The following UBR1 variants were observed in gnomAD, a reference collection of about 807,000 sequenced individuals.
The protein encoded by UBR1 is ubiquitin protein ligase E3 component n-recognin 1.
In UBR1, 102 loss-of-function variants were observed where a neutral mutation model predicts 242.1. The observed-to-expected ratio is 0.42, with a 90% CI of 0.36 to 0.50. The LOEUF is 0.50. UBR1 is among the 20% of genes least tolerant of loss of function. UBR1 has a pLI of 0.01. For missense variants in UBR1, 1,772 were observed against 2,101.8 expected (o/e 0.84, Z 3.07); for synonymous variants, 675 against 684.8 (o/e 0.99, Z 0.22).
chr15:42,954,037 C>T (rs1270416802), intron 44 of UBR1, among the ~76,000 whole-genome samples: 1 of 151,934 alleles, frequency 6.6e-6, no homozygotes, highest in African/African-American at 2.4e-5. Context: ...CACATGCCAC[C>T]AAGCCTAGCT....
chr15:43,056,366 T>C lies in UBR1; in HGVS notation c.1259A>G (p.Gln420Arg). The C allele has an allele frequency of 6.2e-7, 1 of 1,612,232 alleles. No individual in the cohort carries two copies. The change falls in exon 11 of 47, where the codon CAG (glutamine) becomes CGG (arginine). Residue 420 changes from glutamine (Q) to arginine (R), a missense_variant. Gln to Arg is a conservative substitution (Grantham distance 43). This residue lies in a region of UBR1 where 734 missense variants were observed against 893.3 expected (regional missense o/e 0.82). Transcript: ENST00000290650. Reference sequence around the variant, plus strand: ...TACCAGAGTAGGAACAGTAAACATCTGAACTGAAAGTGCAGTTATAGAGAT... The same window carrying C: ...TACCAGAGTAGGAACAGTAAACATCCGAACTGAAAGTGCAGTTATAGAGAT... ...RSISITALSVQMFTVPTLARH... is the reference protein window; with the variant it reads ...RSISITALSVRMFTVPTLARH...
chr15:42,999,015 C>T (rs2032683256), intron 32 of UBR1, among the ~76,000 whole-genome samples: 1 of 148,320 alleles, frequency 6.7e-6, no homozygotes, highest in African/African-American at 2.5e-5. Context: ...TGGCTCACTG[C>T]AACCAACCTC....
intron 3 of UBR1, among the ~76,000 whole-genome samples, chr15:43,076,089 C>T (rs1178413687): frequency 6.6e-6 from 1 of 152,094 alleles, no homozygotes; most frequent in African/African-American, 2.4e-5. Context: ...ATTCTCCTGC[C>T]TCAGCCTGCA....
At chr15:43,016,206 C>T (rs77147275) in intron 28 of UBR1, among the ~76,000 whole-genome samples, 4,251 of 152,208 alleles carry the variant, frequency 0.028, 186 homozygotes, top group African/African-American at 0.096. Context: ...ACAATTTAAA[C>T]AATCTTGATT....
intron 1 of UBR1, among the ~76,000 whole-genome samples, chr15:43,092,258 T>A (rs759089982): frequency 2.6e-5 from 4 of 152,152 alleles, no homozygotes; most frequent in Non-Finnish European, 5.9e-5. Flanking sequence ...CCTTCACTGA[T>A]CAGCCCAAGA....
At chr15:43,048,336 C>CA in intron 13 of UBR1, 56 bp downstream of exon 13, 1 of 1,367,510 alleles carries the variant, frequency 7.3e-7, no homozygotes, top group Non-Finnish European at 1.0e-6. Context: ...AAAAAGACTG[C>CA]GGTTCAATTT....
intron 41 of UBR1, 113 bp downstream of exon 41, chr15:42,966,040 A>T: frequency 6.7e-7 from 1 of 1,489,486 alleles, no homozygotes; most frequent in Non-Finnish European, 9.2e-7. Context: ...ACATGAAAGA[A>T]ATGGGGAGAG....
intron 3 of UBR1, among the ~76,000 whole-genome samples, chr15:43,076,512 C>T (rs1440155361): frequency 5.3e-5 from 8 of 150,606 alleles, no homozygotes; most frequent in South Asian, 2.1e-4. Context: ...CGTCTCTGCC[C>T]GGCCGCCCAT....
rs1032341277 is a variant in UBR1, at chr15:43,048,551, T to C, written c.1440-60A>G. ...ATCTATTTTGAGATAATTTTAAGGT[T>C]CTCAGGGTTATAGACAATGTTGATT... On this transcript the variant is annotated intron_variant, in intron 12 of 46. Transcript: ENST00000290650. 3.0e-6 allele frequency: 4 copies of C among 1,342,768 alleles called. No homozygotes were observed. The African/African-American group carries it at 4.3e-5, about 15-fold the overall frequency. The allele number at this position is 1,342,768 out of a possible 1,614,324, so 83.2% of individuals were successfully genotyped here.
chr15:43,089,316 C>T (rs1218633475), intron 1 of UBR1, among the ~76,000 whole-genome samples: 1 of 152,036 alleles, frequency 6.6e-6, no homozygotes. Flanking sequence ...CATGGTGAAA[C>T]CCCATCTCTG....
chr15:43,029,911 G>A (rs2033232167), intron 21 of UBR1, 33 bp downstream of exon 21: 2 of 1,613,202 alleles, frequency 1.2e-6, no homozygotes, highest in Non-Finnish European at 1.7e-6. Flanking sequence ...CCCATCTTGA[G>A]GTACATAGAG....
chr15:42,963,429 G>A (rs765585635), intron 42 of UBR1, among the ~76,000 whole-genome samples: 1 of 152,150 alleles, frequency 6.6e-6, no homozygotes, highest in Non-Finnish European at 1.5e-5. Flanking sequence ...CATTGACAGT[G>A]CACAAGAGGG....
At chr15:42,949,342 A>T (rs1220774542) in intron 46 of UBR1, among the ~76,000 whole-genome samples, 2 of 151,206 alleles carry the variant, frequency 1.3e-5, no homozygotes, top group African/African-American at 2.4e-5. Flanking sequence ...TGATGAGTTA[A>T]TGGGTGCAGC....
chr15:42,980,097 A>G (rs1029906772), intron 37 of UBR1, among the ~76,000 whole-genome samples: 13 of 152,162 alleles, frequency 8.5e-5, no homozygotes, highest in Non-Finnish European at 1.6e-4. Context: ...TTTTTTCTCA[A>G]TGTTACAGCT....
intron 1 of UBR1, 140 bp from the exon 2 acceptor site, chr15:43,086,380 G>A: frequency 9.9e-7 from 1 of 1,007,444 alleles, no homozygotes; most frequent in Admixed American, 3.1e-5. Flanking sequence ...AAGGAAAGTG[G>A]GTGATTAAAA....
intron 39 of UBR1, among the ~76,000 whole-genome samples, chr15:42,972,148 C>G (rs2032217294): frequency 6.6e-6 from 1 of 152,156 alleles, no homozygotes; most frequent in Non-Finnish European, 1.5e-5. Flanking sequence ...GTTTCACTGC[C>G]TTAAAAATCC....
intron 4 of UBR1, among the ~76,000 whole-genome samples, chr15:43,072,271 A>G (rs1320153611): frequency 2.6e-5 from 4 of 152,066 alleles, no homozygotes; most frequent in Non-Finnish European, 4.4e-5. Flanking sequence ...ATTCTTTAGG[A>G]TTTTTCATAT....
chr15:43,102,043 G>A (rs986432007), intron 1 of UBR1, among the ~76,000 whole-genome samples: 1 of 150,780 alleles, frequency 6.6e-6, no homozygotes, highest in African/African-American at 2.4e-5. Flanking sequence ...GGGAGGCTGA[G>A]GCAAGAGAAT....
At position 42,992,034 on chromosome 15, in the gene UBR1, G is replaced by A. The variant is rs533488473; in HGVS notation, c.3758-1914C>T. The stretch of plus-strand genomic sequence containing the variant: ...CCCACAGTGCTGTTATTATAGGCCT[G>A]AGCCACTGTGCTCAGCCTTCTAGTT... On this transcript the variant is annotated intron_variant, in intron 33 of 46. Transcript: ENST00000290650. Among the ~76,000 whole-genome samples the A allele has an allele frequency of 1.1e-4, 17 of 152,262 alleles. No individual in the cohort carries two copies. The East Asian group carries it at 3.3e-3, about 29-fold the overall frequency.
Sources: allele counts gnomAD v4.1 joint callset (sites outside exome capture counted in the v4.1 genomes callset), GRCh38; gene constraint gnomAD v4.1.1; regional missense constraint gnomAD v4.1.1; transcripts MANE v1.5; gene names NCBI Gene and HGNC (gene_info 2026-07-23, HGNC 2026-07-21).